Variants in LRMDA observed in about 807,000 individuals in gnomAD.
LRMDA encodes leucine-rich melanocyte differentiation-associated protein.
Under a neutral mutation model 29.8 loss-of-function variants are expected in LRMDA, and 18 were observed. The ratio of observed to expected loss-of-function variants is 0.60; its 90% CI spans 0.42 to 0.90. The LOEUF is 0.90. Among genes scored for constraint, LRMDA ranks in the 40% least tolerant of loss-of-function variants. The pLI is 0.00. For synonymous variants in LRMDA, 125 were observed against 109.4 expected (o/e 1.14, Z -0.89); for missense variants, 273 against 273.9 (o/e 1.00, Z 0.02).
At chr10:76,238,120 T>C (rs1026895180) in intron 5 of LRMDA, among the ~76,000 whole-genome samples, 1 of 152,098 alleles carries the variant, frequency 6.6e-6, no homozygotes, top group Admixed American at 6.6e-5. Context: ...GTGTCTCCTC[T>C]ACGCGAGGTC....
At chr10:75,774,532 A>G (rs1589196027) in intron 2 of LRMDA, among the ~76,000 whole-genome samples, 1 of 152,186 alleles carries the variant, frequency 6.6e-6, no homozygotes, top group East Asian at 1.9e-4. Flanking sequence ...AAAGTTCTGT[A>G]TGCAGGCCAA....
intron 2 of LRMDA, among the ~76,000 whole-genome samples, chr10:75,560,292 A>G (rs372699561): frequency 1.3e-4 from 19 of 151,942 alleles, no homozygotes; most frequent in African/African-American, 3.1e-4. Context: ...TCTCTTTGAA[A>G]CAATTGTGAA....
chr10:75,686,286 A>G (rs546602484), intron 2 of LRMDA, among the ~76,000 whole-genome samples: 32 of 152,280 alleles, frequency 2.1e-4, no homozygotes, highest in African/African-American at 7.2e-4. Flanking sequence ...GAGGCCGGGA[A>G]TCTACCCAGA....
chr10:75,434,853 C>G (rs1844246953), intron 1 of LRMDA, among the ~76,000 whole-genome samples: 1 of 152,232 alleles, frequency 6.6e-6, no homozygotes. Context: ...CTCATCATCT[C>G]CAGAAATGCC....
chr10:76,425,522 G>C (rs1371754279), intron 6 of LRMDA, among the ~76,000 whole-genome samples: 1 of 151,528 alleles, frequency 6.6e-6, no homozygotes, highest in South Asian at 2.1e-4. Flanking sequence ...AGGAAGAAAG[G>C]TTATTTGTAG....
intron 2 of LRMDA, among the ~76,000 whole-genome samples, chr10:75,973,868 A>G (rs1437486621): frequency 1.3e-5 from 2 of 152,146 alleles, no homozygotes; most frequent in African/African-American, 2.4e-5. Flanking sequence ...AAAGTTCTAT[A>G]GTTGAAAGCA....
intron 2 of LRMDA, among the ~76,000 whole-genome samples, chr10:76,034,990 A>T (rs1848216542): frequency 6.6e-6 from 1 of 152,024 alleles, no homozygotes; most frequent in Non-Finnish European, 1.5e-5. Flanking sequence ...GCACTTGTGC[A>T]CAACTACCTC....
At chr10:76,476,289 A>T (rs1589206264) in intron 6 of LRMDA, among the ~76,000 whole-genome samples, 1 of 152,212 alleles carries the variant, frequency 6.6e-6, no homozygotes, top group East Asian at 1.9e-4. Context: ...CAAATAAACT[A>T]GAAAATCTAG....
chr10:75,926,676 C>T (rs1367334887), intron 2 of LRMDA, among the ~76,000 whole-genome samples: 2 of 152,328 alleles, frequency 1.3e-5, no homozygotes, highest in South Asian at 2.1e-4. Context: ...CTGCAGGGCA[C>T]GTCTTGTGGA....
intron 6 of LRMDA, among the ~76,000 whole-genome samples, chr10:76,326,383 G>T (rs1045620567): frequency 1.3e-5 from 2 of 152,066 alleles, no homozygotes; most frequent in African/African-American, 4.8e-5. Context: ...GTATTTAAAA[G>T]AATTATTTCA....
intron 2 of LRMDA, among the ~76,000 whole-genome samples, chr10:75,814,898 G>A (rs753651228): frequency 9.2e-5 from 14 of 152,240 alleles, no homozygotes; most frequent in Admixed American, 2.6e-4. Context: ...GAAAATCGTT[G>A]CACATTATTG....
intron 2 of LRMDA, among the ~76,000 whole-genome samples, chr10:75,757,465 A>G (rs1445072853): frequency 6.6e-6 from 1 of 152,132 alleles, no homozygotes; most frequent in African/African-American, 2.4e-5. Flanking sequence ...TGGGTTTTGG[A>G]AAGCATGCAG....
intron 5 of LRMDA, among the ~76,000 whole-genome samples, chr10:76,204,214 A>G: frequency 7.3e-6 from 1 of 136,382 alleles, no homozygotes; most frequent in African/African-American, 2.9e-5. Context: ...GTGCCTGTCC[A>G]CCCATCTCTA....
intron 5 of LRMDA, among the ~76,000 whole-genome samples, chr10:76,174,776 T>C (rs1850901919): frequency 6.6e-6 from 1 of 152,180 alleles, no homozygotes; most frequent in Non-Finnish European, 1.5e-5. Context: ...AAATACAAGT[T>C]TCACCATTTG....
chr10:75,549,512 C>G (rs1363834250), intron 2 of LRMDA, among the ~76,000 whole-genome samples: 32 of 152,068 alleles, frequency 2.1e-4, no homozygotes, highest in Admixed American at 2.0e-3. Context: ...AGGTTATTCA[C>G]AGGCACAGTC....
chr10:76,267,739 G>A (rs2132317184), intron 5 of LRMDA, among the ~76,000 whole-genome samples: 1 of 152,234 alleles, frequency 6.6e-6, no homozygotes, highest in Middle Eastern at 3.4e-3. Context: ...TCAATCTTGT[G>A]AGTAAAATCA....
chr10:75,522,661 C>A (rs1360970336), intron 2 of LRMDA, among the ~76,000 whole-genome samples: 1 of 152,208 alleles, frequency 6.6e-6, no homozygotes, highest in Non-Finnish European at 1.5e-5. Flanking sequence ...AAGTCCCACA[C>A]CCTTCTTTGT....
intron 2 of LRMDA, among the ~76,000 whole-genome samples, chr10:75,981,582 G>A (rs74417374): frequency 0.02 from 3,108 of 152,206 alleles, 56 homozygotes; most frequent in East Asian, 0.065. Context: ...GGCCGGGCAC[G>A]GTGGCTCATG....
intron 2 of LRMDA, among the ~76,000 whole-genome samples, chr10:75,459,763 C>A (rs1450957055): frequency 6.6e-6 from 1 of 152,110 alleles, no homozygotes; most frequent in East Asian, 1.9e-4. Context: ...AGTCCAAGAT[C>A]TAGGGGCTGC....
Sources: allele counts gnomAD v4.1 joint callset (sites outside exome capture counted in the v4.1 genomes callset), GRCh38; gene constraint gnomAD v4.1.1; transcripts MANE v1.5; gene names NCBI Gene and HGNC (gene_info 2026-07-23, HGNC 2026-07-21).